SNX29: variants seen among roughly 807,000 people sequenced by gnomAD.
The protein encoded by SNX29 is sorting nexin-29.
A neutral mutation model predicts 102.1 loss-of-function variants in SNX29; 78 were observed. That is an observed-to-expected ratio of 0.76 (90% CI 0.64 to 0.92). The LOEUF (loss-of-function observed/expected upper bound fraction) is 0.92. SNX29 is among the 40% of genes least tolerant of loss of function. SNX29 has a pLI of 0.00. For missense variants in SNX29, 1,280 were observed against 1,061.7 expected, an observed-to-expected ratio of 1.21 and a Z score of -2.86; for synonymous variants, 580 against 414.5, an observed-to-expected ratio of 1.40 and a Z score of -4.85.
chr16:12,254,962 ATGCAGCAGTAATGGCAGGGACG>A (rs1333018544), intron 14 of SNX29, among the ~76,000 whole-genome samples: 20 of 152,182 alleles, frequency 1.3e-4, no homozygotes, highest in Non-Finnish European at 2.4e-4. Context: ...GAGTAAGGAA[ATGCAGCAGTAATGGCAGGGACG>A]TGCAGCAGGA....
chr16:12,316,226 C>T (rs1454019182), intron 15 of SNX29, among the ~76,000 whole-genome samples: 1 of 152,154 alleles, frequency 6.6e-6, no homozygotes, highest in Non-Finnish European at 1.5e-5. Context: ...GGATAGGTTC[C>T]ACAGGGACAG....
chr16:12,497,775 C>A (rs552661574), intron 19 of SNX29, among the ~76,000 whole-genome samples: 1 of 152,182 alleles, frequency 6.6e-6, no homozygotes, highest in Non-Finnish European at 1.5e-5. Context: ...ATCCACTAGG[C>A]GCCTCAGGCA....
intron 14 of SNX29, among the ~76,000 whole-genome samples, chr16:12,266,183 C>G (rs986664020): frequency 6.6e-6 from 1 of 152,124 alleles, no homozygotes. Flanking sequence ...CCTCAGCCTC[C>G]CAAAGTGCTG....
intron 20 of SNX29, among the ~76,000 whole-genome samples, chr16:12,544,600 C>G (rs933928949): frequency 8.5e-5 from 13 of 152,202 alleles, no homozygotes; most frequent in African/African-American, 2.7e-4. Flanking sequence ...AATGAGTTGT[C>G]ACTCCTGACT....
At chr16:12,429,055 G>C (rs540827523) in intron 18 of SNX29, among the ~76,000 whole-genome samples, 68 of 150,770 alleles carry the variant, frequency 4.5e-4, no homozygotes, top group African/African-American at 1.6e-3. Flanking sequence ...CCAACACACA[G>C]ATACGATTGC....
intron 20 of SNX29, among the ~76,000 whole-genome samples, chr16:12,537,215 A>C (rs562772052): frequency 7.2e-5 from 11 of 152,254 alleles, no homozygotes; most frequent in African/African-American, 2.6e-4. Context: ...GAGCTTAGAG[A>C]CCAGACTGCA....
At chr16:12,482,002 C>G (rs148112611) in intron 19 of SNX29, among the ~76,000 whole-genome samples, 217 of 152,334 alleles carry the variant, frequency 1.4e-3, no homozygotes, top group African/African-American at 5.0e-3. Context: ...CTTCAACACC[C>G]AACAGGGGCC....
intron 14 of SNX29, among the ~76,000 whole-genome samples, chr16:12,202,611 T>A (rs2076939928): frequency 1.3e-5 from 2 of 152,258 alleles, no homozygotes; most frequent in African/African-American, 2.4e-5. Flanking sequence ...TTAATGGCGT[T>A]GGACACCCTT....
rs1476615804 is a variant in SNX29, at chr16:12,020,166, A to G, written c.123-7154A>G. ...AAGACAAGGTCTTGTTCTGTCACCC[A>G]TGCTAAAGTGCAGTGGTGCGATCCC... is the stretch of plus-strand genomic sequence containing the variant. On this transcript the variant is annotated intron_variant, in intron 3 of 20. Transcript: ENST00000566228. 2.0e-5 allele frequency among the ~76,000 whole-genome samples: 3 copies of G among 151,452 alleles called. 1 individual carries two copies.
Position 12,570,265 on chromosome 16 carries a change from G to C in SNX29, c.*1636G>C. 9.4e-7 allele frequency: 1 copy of C among 1,065,116 alleles called. No homozygotes were observed. The highest frequency in any genetic ancestry group is 1.6e-5 in the African/African-American group (1 of 61,150). The allele number at this position is 1,065,116 out of a possible 1,614,324, so 66.0% of individuals were successfully genotyped here. On this transcript the variant is annotated 3_prime_UTR_variant, in exon 21 of 21. Transcript: ENST00000566228. ...CCAAATGAGCTGGAGCATGTATGGA[G>C]GTGCGGACCCTGCAGTCAGTTTGCG...
intron 1 of SNX29, among the ~76,000 whole-genome samples, chr16:11,984,021 CA>C (rs1174894171): frequency 4.6e-5 from 7 of 151,882 alleles, no homozygotes; most frequent in Non-Finnish European, 8.8e-5. Flanking sequence ...GGATGATTAG[CA>C]AAAAAGTGTC....
chr16:12,460,123 G>A (rs1039643308), intron 18 of SNX29, among the ~76,000 whole-genome samples: 3 of 152,294 alleles, frequency 2.0e-5, no homozygotes, highest in East Asian at 3.9e-4. Context: ...GCTAGTGGCC[G>A]TCCTGGCTGA....
intron 11 of SNX29, among the ~76,000 whole-genome samples, chr16:12,105,937 C>T (rs2053218344): frequency 6.6e-6 from 1 of 152,088 alleles, no homozygotes; most frequent in Admixed American, 6.6e-5. Context: ...TCCTGGCTGG[C>T]CCAGCATGAG....
At position 12,510,150 on chromosome 16, in the gene SNX29, C is replaced by T. The variant is rs577542182; in HGVS notation, c.2179-14552C>T. Among the ~76,000 whole-genome samples, 20 of 152,300 alleles carry T rather than the reference C, an allele frequency of 1.3e-4. No homozygotes were observed. In the South Asian group the frequency reaches 3.5e-3, roughly 27 times the overall value. ...ACATCTCCTTTGATGTAGCCCATAC[C>T]GCCCAGGACGAGAATTCCTCTGGGA... On this transcript the variant is annotated intron_variant, in intron 19 of 20. Transcript: ENST00000566228.
At chr16:12,117,236 C>T (rs2053764634) in intron 11 of SNX29, among the ~76,000 whole-genome samples, 1 of 144,694 alleles carries the variant, frequency 6.9e-6, no homozygotes, top group African/African-American at 2.6e-5. Flanking sequence ...ATACGTGCTT[C>T]AATGCGGACG....
chr16:12,401,830 C>T (rs1397098474), intron 17 of SNX29, among the ~76,000 whole-genome samples: 1 of 152,100 alleles, frequency 6.6e-6, no homozygotes, highest in Non-Finnish European at 1.5e-5. Context: ...AAAGGATGAA[C>T]AAATGAACTA....
At chr16:12,333,861 C>T (rs2081366520) in intron 15 of SNX29, among the ~76,000 whole-genome samples, 1 of 152,158 alleles carries the variant, frequency 6.6e-6, no homozygotes, top group African/African-American at 2.4e-5. Flanking sequence ...CAGTTATTCT[C>T]AGAGACCCGA....
chr16:12,471,879 G>A (rs1490283506), intron 18 of SNX29, among the ~76,000 whole-genome samples: 3 of 152,124 alleles, frequency 2.0e-5, no homozygotes, highest in Admixed American at 6.5e-5. Context: ...CCTTTCTCCC[G>A]CCCAAGGTCA....
Position 12,215,249 on chromosome 16 carries a change from C to G in SNX29, c.1678+15566C>G, listed in dbSNP as rs115091346. ...GCGGCTTCCACCTGTAATCCCAGCA[C>G]TTTGAGAGGCTGAGGTAGGAGGAGG... On this transcript the variant is annotated intron_variant, in intron 14 of 20. Coordinates refer to ENST00000566228, the MANE Select transcript of SNX29 (RefSeq NM_032167.5). Among the ~76,000 whole-genome samples, 656 of 150,684 alleles carry G rather than the reference C, an allele frequency of 4.4e-3. 5 individuals carry two copies. Among genetic ancestry groups the G allele is most frequent in the African/African-American group, 0.015 (627 of 40,960 alleles).
Sources: allele counts gnomAD v4.1 joint callset (sites outside exome capture counted in the v4.1 genomes callset), GRCh38; gene constraint gnomAD v4.1.1; transcripts MANE v1.5; gene names NCBI Gene and HGNC (gene_info 2026-07-23, HGNC 2026-07-21).